Variants in MERTK observed in about 807,000 individuals in gnomAD.
MERTK encodes the protein tyrosine-protein kinase Mer.
A neutral mutation model predicts 99.3 loss-of-function variants in MERTK; 69 were observed. That is an observed-to-expected ratio of 0.70 (90% CI 0.57 to 0.85). MERTK has a LOEUF of 0.85. Among genes scored for constraint, MERTK ranks in the 40% least tolerant of loss-of-function variants. MERTK has a pLI of 0.00. For synonymous variants in MERTK, 426 were observed against 467.6 expected, an observed-to-expected ratio of 0.91 and a Z score of 1.15; for missense variants, 1,125 against 1,249.4, an observed-to-expected ratio of 0.90 and a Z score of 1.50.
chr2:111,968,771 C>G (rs541673645), intron 6 of MERTK, among the ~76,000 whole-genome samples: 1 of 152,084 alleles, frequency 6.6e-6, no homozygotes, highest in Non-Finnish European at 1.5e-5. Context: ...TCAAGTGATC[C>G]GCCCGCCTCG....
intron 15 of MERTK, among the ~76,000 whole-genome samples, chr2:112,015,501 A>G (rs1677199137): frequency 1.3e-5 from 2 of 152,060 alleles, no homozygotes; most frequent in Admixed American, 6.5e-5. Context: ...CTGTTGTTCA[A>G]GTATTTTGTT....
intron 8 of MERTK, among the ~76,000 whole-genome samples, chr2:111,990,962 G>C (rs1676603736): frequency 6.6e-6 from 1 of 152,142 alleles, no homozygotes; most frequent in South Asian, 2.1e-4. Context: ...TCTCATAAGT[G>C]AGGTATCATA....
intron 8 of MERTK, among the ~76,000 whole-genome samples, chr2:111,984,485 G>A (rs927969465): frequency 7.9e-5 from 12 of 152,266 alleles, no homozygotes; most frequent in South Asian, 4.1e-4. Flanking sequence ...AAGGCACAAC[G>A]TGGCAGCTTT....
chr2:111,919,572 G>A (rs1684415836), intron 1 of MERTK, among the ~76,000 whole-genome samples: 1 of 152,038 alleles, frequency 6.6e-6, no homozygotes, highest in Admixed American at 6.6e-5. Flanking sequence ...CCCCATGGTA[G>A]GGACATGGAC....
At position 111,985,995 on chromosome 2, in the gene MERTK, C is replaced by T. The variant is rs114162838; in HGVS notation, c.1296+3002C>T. ...AAGCTTTGTTGTAATCATTTTTAGCCACATATCATCCAGCATTTATCAAAA... is the reference window on the plus strand; with the variant it reads ...AAGCTTTGTTGTAATCATTTTTAGCTACATATCATCCAGCATTTATCAAAA... On this transcript the variant is annotated intron_variant, in intron 8 of 18. Transcript: ENST00000295408. 5.5e-3 allele frequency among the ~76,000 whole-genome samples: 831 copies of T among 152,216 alleles called. 9 individuals are homozygous for T. The highest frequency in any genetic ancestry group is 0.019 in the African/African-American group (802 of 41,526).
rs558323631 is a variant in MERTK at position 112,023,355 on chromosome 2, G to A, written c.2486+961G>A. On this transcript the variant is annotated intron_variant, in intron 18 of 18. Coordinates refer to ENST00000295408, the MANE Select transcript of MERTK (RefSeq NM_006343.3). ...CGTGAACCCGGGAGGCGGAGCTTGCGGTGAGCTGAGATCGTGCCACTGCAC... is the reference window on the plus strand; with the variant it reads ...CGTGAACCCGGGAGGCGGAGCTTGCAGTGAGCTGAGATCGTGCCACTGCAC... 8.7e-4 allele frequency among the ~76,000 whole-genome samples: 132 copies of A among 152,110 alleles called. 1 individual carries two copies. The Middle Eastern group carries it at 0.01, about 12-fold the overall frequency.
chr2:111,908,377 A>G (rs1297275325), intron 1 of MERTK, among the ~76,000 whole-genome samples: 1 of 152,188 alleles, frequency 6.6e-6, no homozygotes, highest in Non-Finnish European at 1.5e-5. Flanking sequence ...TTAACAGGTA[A>G]TAAAACTCGC....
chr2:112,028,200 T>G (rs1450818770), intron 18 of MERTK, 151 bp from the exon 19 acceptor site: 3 of 840,306 alleles, frequency 3.6e-6, no homozygotes, highest in Non-Finnish European at 3.7e-6. Context: ...TGTATAAATA[T>G]TAGGCCACCA....
intron 1 of MERTK, among the ~76,000 whole-genome samples, chr2:111,913,608 A>G (rs1333356915): frequency 6.6e-6 from 1 of 151,992 alleles, no homozygotes; most frequent in African/African-American, 2.4e-5. Flanking sequence ...CAGTGGTGCA[A>G]TCTCAGCTCA....
chr2:111,913,218 A>G (rs748831892), intron 1 of MERTK, among the ~76,000 whole-genome samples: 2 of 152,212 alleles, frequency 1.3e-5, no homozygotes, highest in East Asian at 1.9e-4. Context: ...CTGTATATCA[A>G]TTTGGGGAGA....
chr2:111,989,192 G>A (rs1360924077), intron 8 of MERTK, among the ~76,000 whole-genome samples: 2 of 152,094 alleles, frequency 1.3e-5, no homozygotes, highest in East Asian at 1.9e-4. Context: ...AGAACAGGAC[G>A]TGTTTTGCAG....
Position 112,022,294 on chromosome 2 carries a change from C to T in MERTK, c.2386C>T (p.Arg796Trp), listed in dbSNP as rs539760413. Residue 796 changes from arginine (R) to tryptophan (W), a missense_variant, in exon 18 of 19, where the codon CGG becomes TGG. By Grantham distance (101) the Arg-to-Trp change is moderately radical. Coordinates refer to ENST00000295408, the MANE Select transcript of MERTK (RefSeq NM_006343.3). ...CGTGACCATGTGGGAAATAGCTACGCGGGGAATGACTCCCTATCCTGGGGT... is the reference window on the plus strand; with the variant it reads ...CGTGACCATGTGGGAAATAGCTACGTGGGGAATGACTCCCTATCCTGGGGT... Reference protein sequence around the residue: ...FGVTMWEIATRGMTPYPGVQN... With the variant: ...FGVTMWEIATWGMTPYPGVQN... 1.0e-4 allele frequency: 165 copies of T among 1,614,192 alleles called. No homozygotes were observed. Among genetic ancestry groups the T allele is most frequent in the South Asian group, 1.8e-4 (16 of 91,084 alleles).
chr2:112,013,144 A>T (rs1299256322), intron 15 of MERTK: 1 of 152,242 alleles, frequency 6.6e-6, no homozygotes, highest in African/African-American at 2.4e-5. Flanking sequence ...GCCCACATGT[A>T]CTCCTGTTCT....
chr2:111,918,256 A>G (rs1487833094), intron 1 of MERTK, among the ~76,000 whole-genome samples: 1 of 152,152 alleles, frequency 6.6e-6, no homozygotes, highest in Non-Finnish European at 1.5e-5. Context: ...CTTAGGGAGG[A>G]CTTTAACAAA....
chr2:111,994,518 G>A, intron 9 of MERTK, 114 bp downstream of exon 9: 1 of 1,459,988 alleles, frequency 6.8e-7, no homozygotes, highest in Non-Finnish European at 9.6e-7. Flanking sequence ...AAATAAGGCT[G>A]GGCTTATCTC....
At chr2:112,024,608 G>T (rs1677427138) in intron 18 of MERTK, among the ~76,000 whole-genome samples, 1 of 152,204 alleles carries the variant, frequency 6.6e-6, no homozygotes, top group Admixed American at 6.5e-5. Context: ...AGAGGCCTCT[G>T]TTCCATTTCT....
intron 18 of MERTK, among the ~76,000 whole-genome samples, chr2:112,025,490 C>T (rs1677444475): frequency 6.6e-6 from 1 of 152,200 alleles, no homozygotes; most frequent in African/African-American, 2.4e-5. Flanking sequence ...AGCTTATATC[C>T]ACCTTCCCCA....
chr2:111,920,009 C>T (rs147291798), intron 1 of MERTK, among the ~76,000 whole-genome samples: 11 of 152,052 alleles, frequency 7.2e-5, no homozygotes, highest in African/African-American at 2.7e-4. Context: ...TGCTCTAAGC[C>T]CCAAGAAGCA....
chr2:112,018,359 T>A (rs1303136082), intron 15 of MERTK, among the ~76,000 whole-genome samples: 1 of 152,146 alleles, frequency 6.6e-6, no homozygotes, highest in Non-Finnish European at 1.5e-5. Flanking sequence ...ATGACCCAAA[T>A]CCTTTCCTGG....
Sources: gnomAD v4.1 joint callset for allele counts (sites outside exome capture counted in the v4.1 genomes callset) on GRCh38, gnomAD v4.1.1 for gene constraint, MANE v1.5 for transcripts, NCBI Gene and HGNC (gene_info 2026-07-23, HGNC 2026-07-21) for gene names.